ARHGAP24: variants seen among roughly 807,000 people sequenced by gnomAD.
The protein encoded by ARHGAP24 is Rho GTPase activating protein 24, also known as rho GTPase-activating protein 24.
Under a neutral mutation model 76.4 loss-of-function variants are expected in ARHGAP24, and 50 were observed. The ratio of observed to expected loss-of-function variants is 0.65; its 90% CI spans 0.52 to 0.83. The LOEUF is 0.83. ARHGAP24 is among the 40% of genes least tolerant of loss of function. The pLI is 0.00. For missense variants in ARHGAP24, 930 were observed against 914.2 expected (o/e 1.02, Z -0.22); for synonymous variants, 345 against 323.3 (o/e 1.07, Z -0.72).
intron 2 of ARHGAP24, among the ~76,000 whole-genome samples, chr4:85,631,636 A>C (rs1255662121): frequency 6.6e-6 from 1 of 152,104 alleles, no homozygotes; most frequent in Non-Finnish European, 1.5e-5. Context: ...ATTTTGCTAT[A>C]GATTTCCTAT....
chr4:85,714,543 A>AAATTT (rs1486611740), intron 2 of ARHGAP24, among the ~76,000 whole-genome samples: 2 of 152,092 alleles, frequency 1.3e-5, no homozygotes, highest in African/African-American at 4.8e-5. Flanking sequence ...TTGTCATTTT[A>AAATTT]AATTTAAACA....
intron 1 of ARHGAP24, among the ~76,000 whole-genome samples, chr4:85,514,817 T>TAAAA (rs773699457): frequency 0.071 from 5,831 of 82,308 alleles, 1,156 homozygotes; most frequent in Non-Finnish European, 0.086. Context: ...CTCTAAATTG[T>TAAAA]AAAAAAAAAA....
chr4:85,628,940 A>G (rs528208873), intron 2 of ARHGAP24, among the ~76,000 whole-genome samples: 1 of 152,246 alleles, frequency 6.6e-6, no homozygotes, highest in African/African-American at 2.4e-5. Flanking sequence ...CCATTCAGCT[A>G]TTCTATGTGT....
chr4:85,890,612 G>A (rs1733832690), intron 3 of ARHGAP24, among the ~76,000 whole-genome samples: 1 of 152,160 alleles, frequency 6.6e-6, no homozygotes, highest in Admixed American at 6.5e-5. Context: ...ATAAAGAGGT[G>A]CAGGAGGGAA....
intron 2 of ARHGAP24, among the ~76,000 whole-genome samples, chr4:85,687,973 G>A (rs577381636): frequency 1.3e-4 from 20 of 152,050 alleles, no homozygotes; most frequent in African/African-American, 4.1e-4. Context: ...CACCATGCTC[G>A]GCTAATTTTT....
intron 2 of ARHGAP24, among the ~76,000 whole-genome samples, chr4:85,577,773 C>G (rs4693710): frequency 1.3e-5 from 2 of 152,010 alleles, no homozygotes; most frequent in Non-Finnish European, 2.9e-5. Context: ...TCAGGGAGAG[C>G]TTCTCAAAGG....
intron 1 of ARHGAP24, among the ~76,000 whole-genome samples, chr4:85,491,223 A>G (rs1723344210): frequency 6.6e-6 from 1 of 152,216 alleles, no homozygotes; most frequent in Non-Finnish European, 1.5e-5. Flanking sequence ...TAACTTTTTC[A>G]TAATTAATGA....
chr4:85,932,791 T>C (rs186973455), intron 4 of ARHGAP24, among the ~76,000 whole-genome samples: 1 of 152,356 alleles, frequency 6.6e-6, no homozygotes, highest in African/African-American at 2.4e-5. Flanking sequence ...TCAGCGGTTT[T>C]ACGCTTCCTT....
chr4:85,646,870 A>C (rs1721741234), intron 2 of ARHGAP24, among the ~76,000 whole-genome samples: 1 of 152,136 alleles, frequency 6.6e-6, no homozygotes, highest in South Asian at 2.1e-4. Flanking sequence ...ATTTGTTCAG[A>C]ATATACTATT....
chr4:85,784,446 A>T (rs1024819562), intron 3 of ARHGAP24, among the ~76,000 whole-genome samples: 1 of 152,024 alleles, frequency 6.6e-6, no homozygotes, highest in Non-Finnish European at 1.5e-5. Flanking sequence ...TTAAAGCTCA[A>T]TGTGGATATC....
At chr4:85,847,897 A>G (rs968164419) in intron 3 of ARHGAP24, among the ~76,000 whole-genome samples, 3 of 152,170 alleles carry the variant, frequency 2.0e-5, no homozygotes, top group African/African-American at 7.2e-5. Context: ...CATCTCATCC[A>G]GTAATGCATC....
intron 3 of ARHGAP24, among the ~76,000 whole-genome samples, chr4:85,921,547 A>G (rs201335484): frequency 1.6e-5 from 1 of 60,958 alleles, no homozygotes; most frequent in Non-Finnish European, 3.2e-5. Flanking sequence ...AAGTTTTTTT[A>G]AAAAAAAAGA....
At chr4:85,759,617 C>A (rs2110072131) in intron 3 of ARHGAP24, among the ~76,000 whole-genome samples, 2 of 152,192 alleles carry the variant, frequency 1.3e-5, no homozygotes, top group East Asian at 3.9e-4. Flanking sequence ...AGGATAGTTT[C>A]TCTGTCTATA....
At chr4:85,928,280 G>A (rs376307919) in intron 4 of ARHGAP24, among the ~76,000 whole-genome samples, 4 of 145,786 alleles carry the variant, frequency 2.7e-5, no homozygotes, top group African/African-American at 5.1e-5. Flanking sequence ...TCCCTCCCTC[G>A]CACTCTCCTT....
intron 2 of ARHGAP24, among the ~76,000 whole-genome samples, chr4:85,648,225 G>C (rs1170241957): frequency 2.6e-5 from 4 of 152,044 alleles, no homozygotes; most frequent in African/African-American, 9.7e-5. Context: ...GTTTTCCTCA[G>C]TTATATCTTA....
chr4:85,643,234 G>GTGGTTTT (rs1721592505), intron 2 of ARHGAP24, among the ~76,000 whole-genome samples: 1 of 54,608 alleles, frequency 1.8e-5, no homozygotes, highest in African/African-American at 5.9e-5. Flanking sequence ...GTTTTTTTGT[G>GTGGTTTT]TTTTTTTTTT....
intron 3 of ARHGAP24, among the ~76,000 whole-genome samples, chr4:85,737,919 A>T (rs762976511): frequency 6.6e-6 from 1 of 152,100 alleles, no homozygotes; most frequent in African/African-American, 2.4e-5. Context: ...TTTTGTCAGT[A>T]TAAGTAGGAA....
chr4:85,627,574 G>T (rs1314301498), intron 2 of ARHGAP24, among the ~76,000 whole-genome samples: 1 of 152,164 alleles, frequency 6.6e-6, no homozygotes, highest in Admixed American at 6.5e-5. Context: ...GCTGCGTGCT[G>T]GGAGAACCAC....
At chr4:85,683,109 T>TGTGGGGGGGGGG (rs1553922558) in intron 2 of ARHGAP24, among the ~76,000 whole-genome samples, 1 of 17,482 alleles carries the variant, frequency 5.7e-5, no homozygotes, top group African/African-American at 1.7e-4. Context: ...TCTCAGTGTG[T>TGTGGGGGGGGGG]GGGGGGGTGG....
Sources: gnomAD v4.1 joint callset for allele counts (sites outside exome capture counted in the v4.1 genomes callset) on GRCh38, gnomAD v4.1.1 for gene constraint, MANE v1.5 for transcripts, NCBI Gene and HGNC (gene_info 2026-07-23, HGNC 2026-07-21) for gene names.